The following NOTCH3 variants were observed in gnomAD, a reference collection of about 807,000 sequenced individuals.
NOTCH3 encodes notch receptor 3.
A neutral mutation model predicts 213.3 loss-of-function variants in NOTCH3; 86 were observed. The ratio of observed to expected loss-of-function variants is 0.40; its 90% CI spans 0.34 to 0.48. The LOEUF (loss-of-function observed/expected upper bound fraction) is 0.48. Among genes scored for constraint, NOTCH3 ranks in the 20% least tolerant of loss-of-function variants. The pLI is 0.57. For synonymous variants in NOTCH3, 1,354 were observed against 1,355.9 expected (o/e 1.00, Z 0.03); for missense variants, 2,783 against 3,272.6 (o/e 0.85, Z 3.65).
intron 32 of NOTCH3, among the ~76,000 whole-genome samples, chr19:15,161,982 C>CTTTTTTTTTTTTTTTTT (rs71168583): frequency 1.7e-5 from 2 of 114,714 alleles, no homozygotes; most frequent in African/African-American, 3.5e-5. Context: ...TTTTTCTTGT[C>CTTTTTTTTTTTTTTTTT]TTTTTTTTTT....
chr19:15,172,092 C>T (rs891513719), intron 25 of NOTCH3, among the ~76,000 whole-genome samples: 29 of 152,126 alleles, frequency 1.9e-4, no homozygotes, highest in African/African-American at 7.0e-4. Flanking sequence ...CACAGGGTTT[C>T]TCCATGTTGG....
At position 15,170,828 on chromosome 19, in the gene NOTCH3, G is replaced by A. The variant is rs1189437766; in HGVS notation, c.4737-3C>T. 4 of 1,612,904 alleles carry A rather than the reference G, an allele frequency of 2.5e-6. No individual in the cohort carries two copies. In the Admixed American group the frequency reaches 6.7e-5, roughly 27 times the overall value. Reference sequence around the variant, plus strand: ...CAATCTCCAGCATTACTACCGAGCTGCAGGGACAGCAGGGAGGGACCAGAG... The same window carrying A: ...CAATCTCCAGCATTACTACCGAGCTACAGGGACAGCAGGGAGGGACCAGAG... On this transcript the variant is annotated splice_polypyrimidine_tract_variant and splice_region_variant and intron_variant, in intron 25 of 32. Transcript: ENST00000263388.
chr19:15,185,475 A>AAGGG lies in NOTCH3; in HGVS notation c.2144+8_2144+11dup, dbSNP rs1456142278. 2 of 1,612,676 alleles carry AAGGG rather than the reference A, an allele frequency of 1.2e-6. No homozygotes were observed. The highest frequency in any genetic ancestry group is 8.5e-7 in the Non-Finnish European group (1 of 1,179,480). ...AGAGGGGGCAGTGTCTGAGGCTGAG[A>AAGGG]AGGGCCCTCACCCGCCAGGTGCATC... On this transcript the variant is annotated intron_variant, in intron 13 of 32. Coordinates refer to ENST00000263388, the MANE Select transcript of NOTCH3 (RefSeq NM_000435.3). The surrounding 1 kb of genome is among the most constrained non-coding windows in gnomAD (Gnocchi z 4.2).
In NOTCH3 at chr19:15,170,066, G is replaced by T. The variant is rs769829213; in HGVS notation, c.5199+20C>A. 10 of 1,494,052 alleles carry T rather than the reference G, an allele frequency of 6.7e-6. No homozygotes were observed. The South Asian group carries it at 1.2e-4, about 18-fold the overall frequency. The allele number at this position is 1,494,052 out of a possible 1,614,324, so 92.5% of individuals were successfully genotyped here. ...GGGAGGGGTCAGAGGAGGGGGCAAA[G>T]GTCAGAGGGGGGGCAGTACCTTTAG... On this transcript the variant is annotated intron_variant, in intron 28 of 32. Coordinates refer to ENST00000263388, the MANE Select transcript of NOTCH3 (RefSeq NM_000435.3).
rs2046626235 is a variant in NOTCH3, at chr19:15,160,005, C to T, written c.*657G>A. Reference sequence around the variant, plus strand: ...TATGGAACATGTCCCATCTGGAATGCAGTGAAGTGAGGGAGGTGGGGTGGG... The same window carrying T: ...TATGGAACATGTCCCATCTGGAATGTAGTGAAGTGAGGGAGGTGGGGTGGG... On this transcript the variant is annotated 3_prime_UTR_variant, in exon 33 of 33. Coordinates refer to ENST00000263388, the MANE Select transcript of NOTCH3 (RefSeq NM_000435.3). 5 of 233,784 alleles carry T rather than the reference C, an allele frequency of 2.1e-5. No homozygotes were observed. The East Asian group carries it at 3.0e-4, about 14-fold the overall frequency. The allele number at this position is 233,784 out of a possible 1,614,324, so 14.5% of individuals were successfully genotyped here.
intron 32 of NOTCH3, 142 bp downstream of exon 32, chr19:15,162,320 TCAC>T: frequency 1.4e-6 from 1 of 723,280 alleles, no homozygotes. Flanking sequence ...AAAACTTTAG[TCAC>T]CAAAGTAAAT....
Position 15,181,627 on chromosome 19 carries a change from G to A in NOTCH3, c.2741C>T (p.Pro914Leu), listed in dbSNP as rs908559600. 7.7e-6 allele frequency: 12 copies of A among 1,551,136 alleles called. No individual in the cohort carries two copies. The South Asian group carries it at 8.3e-5, about 11-fold the overall frequency. ...HVASFTCTCPPGYGGFHCEQD... is the reference protein window; with the variant it reads ...HVASFTCTCPLGYGGFHCEQD... ...TTCGCAGTGGAAGCCTCCGTAGCCT[G>A]GCGGGCAGGTGCAGGTGAAGGAGGC... is the stretch of plus-strand genomic sequence containing the variant. The change falls in exon 17 of 33, where the codon CCA (proline) becomes CTA (leucine). Residue 914 changes from proline (P) to leucine (L), a missense_variant. Physicochemically the swap from Pro to Leu is moderately conservative, Grantham distance 98. Transcript: ENST00000263388.
chr19:15,176,470 G>A (rs1397670336), intron 24 of NOTCH3, among the ~76,000 whole-genome samples: 1 of 152,032 alleles, frequency 6.6e-6, no homozygotes, highest in African/African-American at 2.4e-5. Flanking sequence ...CCAATAAAAG[G>A]AATTTTTAGG....
At chr19:15,163,094 A>G (rs2046659480) in intron 31 of NOTCH3, among the ~76,000 whole-genome samples, 2 of 152,090 alleles carry the variant, frequency 1.3e-5, no homozygotes, top group Admixed American at 1.3e-4. Context: ...TGATAGAGAT[A>G]GAGTTCCACT....
rs1192845628 is a variant in NOTCH3, at chr19:15,180,168, A to C, written c.3231T>G (p.Thr1077=). The C allele has an allele frequency of 1.2e-6, 2 of 1,613,740 alleles. No individual in the cohort carries two copies. Among genetic ancestry groups the C allele is most frequent in the Admixed American group, 3.3e-5 (2 of 60,016 alleles). Residue 1077 remains threonine (T), a synonymous_variant, in exon 20 of 33, where the codon ACT becomes ACG. Coordinates refer to ENST00000263388, the MANE Select transcript of NOTCH3 (RefSeq NM_000435.3). ...SHYCVCPEGR[T]GSHCEQEVDP... ...CCACCTCCTGCTCACAGTGGCTACC[A>C]GTACGGCCCTCTGGGCACACGCAGT... is the stretch of plus-strand genomic sequence containing the variant.
In NOTCH3 at chr19:15,165,957, C is replaced by T. The variant is rs1270568992; in HGVS notation, c.5497G>A (p.Ala1833Thr). Reference protein sequence around the residue: ...DLICQGAQLGARTDRTGETAL... With the variant: ...DLICQGAQLGTRTDRTGETAL... ...GTCTCGCCAGTACGGTCAGTCCGTGCCCCAAGCTGAGCCCCCTGGCAGATC... is the reference window on the plus strand; with the variant it reads ...GTCTCGCCAGTACGGTCAGTCCGTGTCCCAAGCTGAGCCCCCTGGCAGATC... Residue 1833 changes from alanine (A) to threonine (T), a missense_variant, in exon 30 of 33, where the codon GCA becomes ACA. Ala to Thr is a moderately conservative substitution (Grantham distance 58). This residue lies in a region of NOTCH3 where 636 missense variants were observed against 801.8 expected (regional missense o/e 0.79). Coordinates refer to ENST00000263388, the MANE Select transcript of NOTCH3 (RefSeq NM_000435.3). The surrounding 1 kb of genome is among the most constrained non-coding windows in gnomAD (Gnocchi z 4.7). 6.2e-7 allele frequency: 1 copy of T among 1,614,156 alleles called. No individual in the cohort carries two copies. The highest frequency in any genetic ancestry group is 2.2e-5 in the East Asian group (1 of 44,866).
chr19:15,197,441 G>A (rs964386286), intron 2 of NOTCH3, 59 bp downstream of exon 2: 10 of 768,364 alleles, frequency 1.3e-5, no homozygotes, highest in East Asian at 5.5e-5. Flanking sequence ...AAGACAAATC[G>A]CCCCTCCCCC....
At chr19:15,200,746 C>G in intron 1 of NOTCH3, 42 bp downstream of exon 1, 1 of 1,240,228 alleles carries the variant, frequency 8.1e-7, no homozygotes, top group Non-Finnish European at 1.0e-6. Flanking sequence ...TGCACTCCCC[C>G]TCTGCCGCCC....
intron 2 of NOTCH3, among the ~76,000 whole-genome samples, chr19:15,196,842 G>C (rs780168334): frequency 5.3e-5 from 8 of 152,178 alleles, no homozygotes; most frequent in Non-Finnish European, 1.0e-4. Context: ...CAGAATTTAA[G>C]CTGAGCTCTT....
chr19:15,169,202 C>A (rs2046710194), intron 28 of NOTCH3, among the ~76,000 whole-genome samples: 1 of 9,580 alleles, frequency 1.0e-4, no homozygotes, highest in Non-Finnish European at 1.0e-3. Context: ...CTCTCTCTCT[C>A]TCTCTCTCTC....
chr19:15,185,666 G>T lies in NOTCH3; in HGVS notation c.1965C>A (p.Asn655Lys). Residue 655 changes from asparagine (N) to lysine (K), a missense_variant, in exon 13 of 33, where the codon AAC becomes AAA. Physicochemically the swap from Asn to Lys is moderately conservative, Grantham distance 94 (BLOSUM62 0). Transcript: ENST00000263388. The surrounding 1 kb of genome is among the most constrained non-coding windows in gnomAD (Gnocchi z 4.2). The part of the protein sequence containing the change: ...CQPGFTGPLC[N>K]VEINECASSP... ...TGGAAGCACACTCATTGATCTCCAC[G>T]TTACAAAGGGGCCCTGGGGAGTACA... 6.2e-7 allele frequency: 1 copy of T among 1,613,284 alleles called. No individual in the cohort carries two copies. The highest frequency in any genetic ancestry group is 8.5e-7 in the Non-Finnish European group (1 of 1,180,000).
At position 15,162,538 on chromosome 19, in the gene NOTCH3, G is replaced by A. The variant is rs779138148; in HGVS notation, c.5840C>T (p.Ala1947Val). 110 of 1,613,688 alleles carry A rather than the reference G, an allele frequency of 6.8e-5. No individual in the cohort carries two copies. Among genetic ancestry groups the A allele is most frequent in the Admixed American group, 2.5e-4 (15 of 59,978 alleles). Reference sequence around the variant, plus strand: ...AGTGGCTTCCACGTTGTTCACAGCCGCAGCCCAGTGTAAGGCTGATTTCCC... The same window carrying A: ...AGTGGCTTCCACGTTGTTCACAGCCACAGCCCAGTGTAAGGCTGATTTCCC... ...ELGKSALHWA[A>V]AVNNVEATLA... Residue 1947 changes from alanine to valine, a missense_variant, in exon 32 of 33, where the codon GCG becomes GTG. This residue lies in a region of NOTCH3 where 636 missense variants were observed against 801.8 expected (regional missense o/e 0.79). Transcript: ENST00000263388.
At position 15,170,694 on chromosome 19, in the gene NOTCH3, G is replaced by C. The variant is rs774169388; in HGVS notation, c.4868C>G (p.Pro1623Arg). 1.9e-6 allele frequency: 3 copies of C among 1,586,612 alleles called. No homozygotes were observed. The highest frequency in any genetic ancestry group is 2.6e-6 in the Non-Finnish European group (3 of 1,167,674). ...ALSAVERLDF[P>R]YPLRDVRGEP... ...ACCCCGCACGTCCCGCAGTGGGTAC[G>C]GGAAGTCCAGGCGCTCCACCGCTGA... Residue 1623 changes from proline (P) to arginine (R), a missense_variant, in exon 26 of 33, where the codon CCG becomes CGG. Coordinates refer to ENST00000263388, the MANE Select transcript of NOTCH3 (RefSeq NM_000435.3).
rs1463964404 is a variant in NOTCH3, at chr19:15,165,969, C to T, written c.5485G>A (p.Ala1829Thr). ...CGGTCAGTCCGTGCCCCAAGCTGAG[C>T]CCCCTGGCAGATCAGGTCGGAGATG... Reference protein sequence around the residue: ...SIISDLICQGAQLGARTDRTG... With the variant: ...SIISDLICQGTQLGARTDRTG... Residue 1829 changes from alanine to threonine, a missense_variant, in exon 30 of 33, where the codon GCT (alanine) becomes ACT (threonine). This residue lies in a region of NOTCH3 where 636 missense variants were observed against 801.8 expected (regional missense o/e 0.79). Coordinates refer to ENST00000263388, the MANE Select transcript of NOTCH3 (RefSeq NM_000435.3). The surrounding 1 kb of genome is among the most constrained non-coding windows in gnomAD (Gnocchi z 4.7). 6.2e-7 allele frequency: 1 copy of T among 1,614,152 alleles called. No homozygotes were observed. Among genetic ancestry groups the T allele is most frequent in the Non-Finnish European group, 8.5e-7 (1 of 1,180,026 alleles).
Sources: gnomAD v4.1 joint callset for allele counts (sites outside exome capture counted in the v4.1 genomes callset) on GRCh38, gnomAD v4.1.1 for gene constraint, gnomAD v4.1.1 regional missense constraint, Gnocchi (gnomAD v3.1) non-coding constraint, MANE v1.5 for transcripts, NCBI Gene and HGNC (gene_info 2026-07-23, HGNC 2026-07-21) for gene names.